KCNH7: variants seen among roughly 807,000 people sequenced by gnomAD.
KCNH7 encodes the protein voltage-gated inwardly rectifying potassium channel KCNH7.
KCNH7 carries 49 observed loss-of-function variants against 120.8 expected under a neutral mutation model. The observed-to-expected ratio is 0.41, with a 90% CI of 0.32 to 0.51. The LOEUF (loss-of-function observed/expected upper bound fraction) is 0.51, where lower values mean the gene tolerates loss of function less well. KCNH7 is among the 20% of genes least tolerant of loss of function. The pLI, the probability that KCNH7 is intolerant of heterozygous loss-of-function variation, is 0.38. For synonymous variants in KCNH7, 547 were observed against 516.1 expected (o/e 1.06, Z -0.81); for missense variants, 1,097 against 1,446.6 (o/e 0.76, Z 3.92).
rs1030372118 is a variant in KCNH7 at position 162,371,694 on chromosome 2, A to C, written c.*135T>G. The C allele has an allele frequency of 1.6e-5, 15 of 912,068 alleles. No individual in the cohort carries two copies. Among genetic ancestry groups the C allele is most frequent in the Non-Finnish European group, 2.2e-5 (14 of 629,694 alleles). The allele number at this position is 912,068 out of a possible 1,614,324, so 56.5% of individuals were successfully genotyped here. A position where few individuals can be genotyped will look rare whatever the true frequency, so the allele number is the denominator to read the frequency against. ...AGTTTTACCTTACAAGCTTCAATTT[A>C]GGAAAATATACAGTACTTTTGCATA... On this transcript the variant is annotated 3_prime_UTR_variant, in exon 16 of 16. Coordinates refer to ENST00000332142, the MANE Select transcript of KCNH7 (RefSeq NM_033272.4).
intron 2 of KCNH7, among the ~76,000 whole-genome samples, chr2:162,670,095 C>T (rs868379440): frequency 6.8e-6 from 1 of 147,278 alleles, no homozygotes; most frequent in Non-Finnish European, 1.5e-5. Flanking sequence ...GAGCGAAACT[C>T]GGTCTCAAAC....
intron 6 of KCNH7, among the ~76,000 whole-genome samples, chr2:162,473,191 G>A (rs1054040778): frequency 1.3e-5 from 2 of 151,528 alleles, no homozygotes; most frequent in African/African-American, 4.9e-5. Flanking sequence ...GGCACGTTGT[G>A]CACATGTACC....
At chr2:162,407,309 ATAATG>A in intron 9 of KCNH7, among the ~76,000 whole-genome samples, 1 of 152,072 alleles carries the variant, frequency 6.6e-6, no homozygotes, top group Admixed American at 6.6e-5. Flanking sequence ...ACCAGTTTTG[ATAATG>A]TAAAGAGTCC....
chr2:162,806,629 T>C (rs979741378), intron 2 of KCNH7, among the ~76,000 whole-genome samples: 1 of 152,186 alleles, frequency 6.6e-6, no homozygotes, highest in African/African-American at 2.4e-5. Flanking sequence ...GGTATTCTCT[T>C]AAATTCAGCA....
chr2:162,442,597 G>T (rs149139818), intron 7 of KCNH7, among the ~76,000 whole-genome samples: 347 of 152,078 alleles, frequency 2.3e-3, no homozygotes, highest in African/African-American at 8.2e-3. Context: ...ACTGGCTCAC[G>T]CCTGTAATTC....
intron 2 of KCNH7, among the ~76,000 whole-genome samples, chr2:162,705,989 CTTCACAT>C (rs1409794897): frequency 6.6e-6 from 1 of 152,138 alleles, no homozygotes; most frequent in Non-Finnish European, 1.5e-5. Flanking sequence ...AAAAGTCAGA[CTTCACAT>C]TTCAAAGTTC....
chr2:162,832,525 A>G (rs906009462), intron 2 of KCNH7, among the ~76,000 whole-genome samples: 2 of 152,164 alleles, frequency 1.3e-5, no homozygotes, highest in African/African-American at 4.8e-5. Context: ...CAGGTTCTCT[A>G]TGCAATTAAC....
intron 2 of KCNH7, among the ~76,000 whole-genome samples, chr2:162,596,742 G>A (rs929769058): frequency 6.6e-6 from 1 of 151,956 alleles, no homozygotes; most frequent in African/African-American, 2.4e-5. Flanking sequence ...CACAGCAAAG[G>A]AAACAATCAA....
chr2:162,739,321 T>C (rs1559109289), intron 2 of KCNH7, among the ~76,000 whole-genome samples: 2 of 152,186 alleles, frequency 1.3e-5, no homozygotes, highest in African/African-American at 2.4e-5. Flanking sequence ...TCCCAGCTGA[T>C]GTTATTCCTA....
intron 2 of KCNH7, among the ~76,000 whole-genome samples, chr2:162,648,517 T>C (rs576803417): frequency 5.6e-4 from 85 of 152,312 alleles, no homozygotes; most frequent in Non-Finnish European, 9.6e-4. Flanking sequence ...TAGCCTACAA[T>C]ACATTTCCAG....
chr2:162,714,396 C>T (rs979136383), intron 2 of KCNH7, among the ~76,000 whole-genome samples: 1 of 152,006 alleles, frequency 6.6e-6, no homozygotes, highest in East Asian at 1.9e-4. Context: ...ACAAAAGAGC[C>T]GTGAGGGAGG....
chr2:162,732,700 G>T (rs1228557508), intron 2 of KCNH7, among the ~76,000 whole-genome samples: 2 of 152,144 alleles, frequency 1.3e-5, no homozygotes, highest in Non-Finnish European at 2.9e-5. Context: ...TGTCTCAAAG[G>T]ATTACTGTGA....
chr2:162,753,799 C>A (rs1688694146), intron 2 of KCNH7, among the ~76,000 whole-genome samples: 1 of 152,066 alleles, frequency 6.6e-6, no homozygotes, highest in South Asian at 2.1e-4. Context: ...AATCATTTCC[C>A]TTTCCTGTTT....
At chr2:162,693,900 G>A (rs980262985) in intron 2 of KCNH7, among the ~76,000 whole-genome samples, 1 of 152,010 alleles carries the variant, frequency 6.6e-6, no homozygotes, top group African/African-American at 2.4e-5. Flanking sequence ...TTAATAAAGA[G>A]TCAATTAATA....
chr2:162,611,492 A>G (rs1297958522), intron 2 of KCNH7, among the ~76,000 whole-genome samples: 12 of 152,142 alleles, frequency 7.9e-5, no homozygotes, highest in Admixed American at 7.9e-4. Context: ...GCTAAGAAAT[A>G]TAAAATATTA....
At chr2:162,792,555 T>C (rs1396743878) in intron 2 of KCNH7, among the ~76,000 whole-genome samples, 1 of 152,076 alleles carries the variant, frequency 6.6e-6, no homozygotes, top group Non-Finnish European at 1.5e-5. Context: ...CTAAATTTTC[T>C]AGTTTATGTG....
At chr2:162,467,357 G>C (rs1027891350) in intron 6 of KCNH7, among the ~76,000 whole-genome samples, 3 of 152,200 alleles carry the variant, frequency 2.0e-5, no homozygotes, top group African/African-American at 7.2e-5. Context: ...CCTAATAGGA[G>C]GTGTTTGGGT....
chr2:162,823,489 G>A (rs367862178), intron 2 of KCNH7, among the ~76,000 whole-genome samples: 1 of 152,142 alleles, frequency 6.6e-6, no homozygotes, highest in Non-Finnish European at 1.5e-5. Flanking sequence ...TTTCTGCCTT[G>A]AGTTATAGTT....
chr2:162,546,391 C>T (rs1277668042), intron 2 of KCNH7, among the ~76,000 whole-genome samples: 2 of 151,988 alleles, frequency 1.3e-5, no homozygotes, highest in African/African-American at 4.8e-5. Context: ...GTTATCACAC[C>T]TCAAATGTAT....
Sources: gnomAD v4.1 joint callset for allele counts (sites outside exome capture counted in the v4.1 genomes callset) on GRCh38, gnomAD v4.1.1 for gene constraint, MANE v1.5 for transcripts, NCBI Gene and HGNC (gene_info 2026-07-23, HGNC 2026-07-21) for gene names.